GNAI1: variants seen among roughly 807,000 people sequenced by gnomAD.
The protein encoded by GNAI1 is guanine nucleotide-binding protein G(i) subunit alpha-1.
GNAI1 carries 11 observed loss-of-function variants against 38.9 expected under a neutral mutation model. That is an observed-to-expected ratio of 0.28 (90% confidence interval 0.18 to 0.47). GNAI1 has a LOEUF of 0.47. GNAI1 is among the 20% of genes least tolerant of loss of function. GNAI1 has a pLI of 0.99. For missense variants in GNAI1, 317 were observed against 436.9 expected (o/e 0.73, Z 2.45); for synonymous variants, 166 against 145.1 (o/e 1.14, Z -1.04).
At chr7:80,186,932 AT>A (rs1788395457) in intron 1 of GNAI1, 1 of 152,226 alleles carries the variant, frequency 6.6e-6, no homozygotes, top group Non-Finnish European at 1.5e-5. Flanking sequence ...ACTGTTGTTG[AT>A]TAATAAATAA....
intron 6 of GNAI1, among the ~76,000 whole-genome samples, chr7:80,212,512 T>C (rs1788892007): frequency 6.6e-6 from 1 of 152,144 alleles, no homozygotes; most frequent in African/African-American, 2.4e-5. Flanking sequence ...CAAGTAAAAG[T>C]TGAATGCAAA....
In GNAI1 at chr7:80,222,102, G is replaced by A. The variant is rs1447999730; in HGVS notation, c.*4609G>A. Among the ~76,000 whole-genome samples, 2 of 151,490 alleles carry A rather than the reference G, an allele frequency of 1.3e-5. No individual in the cohort carries two copies. The highest frequency in any genetic ancestry group is 4.8e-5 in the African/African-American group (2 of 41,296). On this transcript the variant is annotated 3_prime_UTR_variant, in exon 8 of 8. Transcript: ENST00000649796. ...TGTTGTGATTTCTCTTATTTAGTTG[G>A]ATTTTGTAGTTACTTTAAAAGTTAC...
At position 80,188,755 on chromosome 7, in the gene GNAI1, G is replaced by C. The variant is rs540849348; in HGVS notation, c.119-196G>C. Among the ~76,000 whole-genome samples the C allele has an allele frequency of 3.3e-5, 5 of 152,112 alleles. No individual in the cohort carries two copies. The East Asian group carries it at 9.7e-4, about 29-fold the overall frequency. ...ACTACAGTTCTCATGTTGTATGTTA[G>C]ATCTTTATACTTATTCATCCTACAT... On this transcript the variant is annotated intron_variant, in intron 1 of 7. Coordinates refer to ENST00000649796, the MANE Select transcript of GNAI1 (RefSeq NM_002069.6).
At chr7:80,210,729 C>CTT (rs11347260) in intron 5 of GNAI1, among the ~76,000 whole-genome samples, 6 of 129,428 alleles carry the variant, frequency 4.6e-5, no homozygotes, top group East Asian at 2.3e-4. Context: ...TTTGTTTTTG[C>CTT]TTTTTTTTTT....
At chr7:80,163,589 A>G (rs1210350369) in intron 1 of GNAI1, among the ~76,000 whole-genome samples, 1 of 152,226 alleles carries the variant, frequency 6.6e-6, no homozygotes, top group African/African-American at 2.4e-5. Context: ...AATTAAACAT[A>G]TGTGAAGATA....
intron 1 of GNAI1, among the ~76,000 whole-genome samples, chr7:80,172,948 C>T (rs1418556209): frequency 6.6e-6 from 1 of 152,128 alleles, no homozygotes; most frequent in Non-Finnish European, 1.5e-5. Context: ...CAGTTATCCC[C>T]CCAATAACCA....
Position 80,217,842 on chromosome 7 carries a change from A to T in GNAI1, c.*349A>T, listed in dbSNP as rs1411294202. Reference sequence around the variant, plus strand: ...TTTAAGAGTGGCAACTTAGGATTTTAGGGTGATGGCTTTGGAAATAACATA... The same window carrying T: ...TTTAAGAGTGGCAACTTAGGATTTTTGGGTGATGGCTTTGGAAATAACATA... On this transcript the variant is annotated 3_prime_UTR_variant, in exon 8 of 8. Transcript: ENST00000649796. 6.4e-6 allele frequency: 1 copy of T among 156,998 alleles called. No homozygotes were observed. Among genetic ancestry groups the T allele is most frequent in the Non-Finnish European group, 1.4e-5 (1 of 71,068 alleles). The allele number at this position is 156,998 out of a possible 1,614,324, so 9.7% of individuals were successfully genotyped here. A position where few individuals can be genotyped will look rare whatever the true frequency, so the allele number is the denominator to read the frequency against.
intron 3 of GNAI1, among the ~76,000 whole-genome samples, chr7:80,198,434 G>A (rs989998321): frequency 1.3e-5 from 2 of 152,130 alleles, no homozygotes; most frequent in African/African-American, 4.8e-5. Flanking sequence ...CTGATTTAGA[G>A]TGGTTGATTA....
chr7:80,160,963 G>T (rs1016292854), intron 1 of GNAI1, among the ~76,000 whole-genome samples: 5 of 152,074 alleles, frequency 3.3e-5, no homozygotes, highest in African/African-American at 1.2e-4. Context: ...AAACCAAGTG[G>T]CTCCCTAGTT....
chr7:80,161,725 C>G (rs1179429705), intron 1 of GNAI1, among the ~76,000 whole-genome samples: 4 of 152,106 alleles, frequency 2.6e-5, no homozygotes, highest in African/African-American at 9.7e-5. Context: ...TCAAAATACT[C>G]TGAATCATAG....
At chr7:80,154,456 T>C (rs1787784492) in intron 1 of GNAI1, among the ~76,000 whole-genome samples, 1 of 152,184 alleles carries the variant, frequency 6.6e-6, no homozygotes, top group African/African-American at 2.4e-5. Context: ...CCCAAGTTCT[T>C]GGGTTTGCTC....
intron 1 of GNAI1, among the ~76,000 whole-genome samples, chr7:80,188,587 T>C (rs1044511365): frequency 6.6e-5 from 10 of 152,188 alleles, no homozygotes; most frequent in Middle Eastern, 3.2e-3. Context: ...TTACAAAATA[T>C]ATGTATCAAA....
At chr7:80,205,459 T>G (rs117578902) in intron 5 of GNAI1, among the ~76,000 whole-genome samples, 1 of 152,262 alleles carries the variant, frequency 6.6e-6, no homozygotes, top group East Asian at 1.9e-4. Context: ...CAGTTGTCAC[T>G]GCAGGAAATT....
intron 1 of GNAI1, among the ~76,000 whole-genome samples, chr7:80,177,442 G>A (rs779427680): frequency 5.9e-5 from 9 of 152,118 alleles, no homozygotes; most frequent in African/African-American, 1.9e-4. Flanking sequence ...ACAATGCACC[G>A]CATTATCCAA....
chr7:80,165,933 G>A (rs558298551), intron 1 of GNAI1, among the ~76,000 whole-genome samples: 6 of 152,218 alleles, frequency 3.9e-5, no homozygotes, highest in Middle Eastern at 6.8e-3. Flanking sequence ...AATACAGAGA[G>A]GGTATATTAA....
chr7:80,203,645 G>T, intron 4 of GNAI1, 59 bp from the exon 5 acceptor site: 1 of 1,076,004 alleles, frequency 9.3e-7, no homozygotes, highest in Non-Finnish European at 1.4e-6. Flanking sequence ...TTTTTGTTTT[G>T]GATGATCTTT....
chr7:80,222,941 GT>G lies in GNAI1; in HGVS notation c.*5449del, dbSNP rs1026673941. Among the ~76,000 whole-genome samples the G allele has an allele frequency of 1.2e-4, 19 of 152,076 alleles. No individual in the cohort carries two copies. The highest frequency in any genetic ancestry group is 4.1e-4 in the African/African-American group (17 of 41,406). On this transcript the variant is annotated 3_prime_UTR_variant, in exon 8 of 8. Coordinates refer to ENST00000649796, the MANE Select transcript of GNAI1 (RefSeq NM_002069.6). ...TAGCTTAGCCTGGCCTAACTTAAAGGTGCTCAGAACACTTAGATTAGCATAC... is the reference window on the plus strand; with the variant it reads ...TAGCTTAGCCTGGCCTAACTTAAAGGGCTCAGAACACTTAGATTAGCATAC...
intron 1 of GNAI1, among the ~76,000 whole-genome samples, chr7:80,178,795 C>T (rs904242657): frequency 1.3e-5 from 2 of 152,136 alleles, no homozygotes; most frequent in African/African-American, 4.8e-5. Context: ...CGTAATATCT[C>T]TGAGGTATAC....
At chr7:80,200,072 T>C (rs944728511) in intron 4 of GNAI1, among the ~76,000 whole-genome samples, 1 of 151,462 alleles carries the variant, frequency 6.6e-6, no homozygotes, top group Non-Finnish European at 1.5e-5. Flanking sequence ...TCCCAGCACT[T>C]TGGGAGGCTA....
Sources: allele counts gnomAD v4.1 joint callset (sites outside exome capture counted in the v4.1 genomes callset), GRCh38; gene constraint gnomAD v4.1.1; transcripts MANE v1.5; gene names NCBI Gene and HGNC (gene_info 2026-07-23, HGNC 2026-07-21).